Variants in ME3 observed in about 807,000 individuals in gnomAD.
ME3 encodes malic enzyme 3, also known as NADP-dependent malic enzyme, mitochondrial.
In ME3, 48 loss-of-function variants were observed where a neutral mutation model predicts 68.9. The observed-to-expected ratio is 0.70, with a 90% CI of 0.55 to 0.89. The LOEUF is 0.89. Among genes scored for constraint, ME3 ranks in the 40% least tolerant of loss-of-function variants. ME3 has a pLI of 0.00. For missense variants in ME3, 675 were observed against 797.4 expected, an observed-to-expected ratio of 0.85 and a Z score of 1.85; for synonymous variants, 320 against 318.8, an observed-to-expected ratio of 1.00 and a Z score of -0.04.
exon 11 of ME3, chr11:86,448,218 G>A (rs780609044): frequency 1.2e-5 from 19 of 1,614,032 alleles, no homozygotes; most frequent in Non-Finnish European, 1.5e-5. Context: ...ATGGTCTTGG[G>A]CAAACATCTC....
intron 2 of ME3, among the ~76,000 whole-genome samples, chr11:86,598,782 T>A (rs1466481318): frequency 1.3e-5 from 2 of 152,128 alleles, no homozygotes; most frequent in African/African-American, 2.4e-5. Flanking sequence ...ACAGCAGCAT[T>A]CGCGGATCAC....
intron 4 of ME3, among the ~76,000 whole-genome samples, chr11:86,521,425 A>AAAATAATAATAATAAT (rs754170121): frequency 0.031 from 3,580 of 117,206 alleles, 63 homozygotes; most frequent in East Asian, 0.097. Flanking sequence ...AAACAAAACA[A>AAAATAATAATAATAAT]AACAAAAATA....
intron 4 of ME3, among the ~76,000 whole-genome samples, chr11:86,541,234 A>C (rs988322965): frequency 1.3e-5 from 2 of 151,992 alleles, no homozygotes; most frequent in Non-Finnish European, 2.9e-5. Flanking sequence ...ACACCAAGCT[A>C]GCTGCAGGTG....
At chr11:86,610,657 C>T (rs1217559036) in intron 2 of ME3, among the ~76,000 whole-genome samples, 8 of 114,374 alleles carry the variant, frequency 7.0e-5, no homozygotes, top group Admixed American at 2.5e-4. Flanking sequence ...CTCTTTTGGG[C>T]TGTGGGGTTG....
intron 7 of ME3, among the ~76,000 whole-genome samples, chr11:86,472,410 G>T (rs907813548): frequency 6.6e-6 from 1 of 152,186 alleles, no homozygotes; most frequent in African/African-American, 2.4e-5. Flanking sequence ...TGGACAGCTG[G>T]GAGGACAGAC....
At chr11:86,581,297 C>T (rs190276607) in intron 2 of ME3, among the ~76,000 whole-genome samples, 29 of 152,060 alleles carry the variant, frequency 1.9e-4, no homozygotes, top group South Asian at 1.0e-3. Flanking sequence ...GTACTTTTAA[C>T]GATAGGTTGT....
chr11:86,620,101 C>T (rs1318380631), intron 2 of ME3, among the ~76,000 whole-genome samples: 1 of 152,110 alleles, frequency 6.6e-6, no homozygotes, highest in Non-Finnish European at 1.5e-5. Flanking sequence ...AACACAAATC[C>T]TATTTTCCCT....
At chr11:86,666,150 G>A (rs533633248) in intron 2 of ME3, among the ~76,000 whole-genome samples, 4 of 152,294 alleles carry the variant, frequency 2.6e-5, no homozygotes, top group Non-Finnish European at 5.9e-5. Context: ...CCCAGCCAAA[G>A]ATTACATTTT....
At chr11:86,635,655 G>T (rs886256137) in intron 2 of ME3, among the ~76,000 whole-genome samples, 6 of 152,206 alleles carry the variant, frequency 3.9e-5, no homozygotes, top group Non-Finnish European at 8.8e-5. Flanking sequence ...TTTATTTCCT[G>T]TCTCTGTCTT....
chr11:86,469,703 G>T (rs1482734020), intron 7 of ME3, among the ~76,000 whole-genome samples: 3 of 152,194 alleles, frequency 2.0e-5, no homozygotes, highest in Non-Finnish European at 4.4e-5. Flanking sequence ...TGGAGAAAGA[G>T]GCACCTTCCC....
At chr11:86,650,938 G>T (rs900332264) in intron 2 of ME3, among the ~76,000 whole-genome samples, 1 of 152,244 alleles carries the variant, frequency 6.6e-6, no homozygotes, top group East Asian at 1.9e-4. Flanking sequence ...CGGCACACCA[G>T]GAGATTGTAT....
At chr11:86,661,475 ATAT>A (rs1226117602) in intron 2 of ME3, among the ~76,000 whole-genome samples, 5 of 152,350 alleles carry the variant, frequency 3.3e-5, no homozygotes, top group Admixed American at 3.3e-4. Context: ...AAATGTCATG[ATAT>A]TATTTAGCTT....
chr11:86,567,243 A>AAAGAAAGGAAGAAAGGAAGGAAGGAAGG (rs869098620), intron 2 of ME3, among the ~76,000 whole-genome samples: 1 of 144,582 alleles, frequency 6.9e-6, no homozygotes, highest in Non-Finnish European at 1.5e-5. Flanking sequence ...GAAAAGAAAG[A>AAAGAAAGGAAGAAAGGAAGGAAGGAAGG]AAGGAAGGAA....
chr11:86,601,122 T>A, intron 2 of ME3, among the ~76,000 whole-genome samples: 1 of 150,684 alleles, frequency 6.6e-6, no homozygotes, highest in African/African-American at 2.4e-5. Context: ...CTGAAGGAAA[T>A]AGAGACACAA....
At chr11:86,635,992 C>G (rs1944309162) in intron 2 of ME3, among the ~76,000 whole-genome samples, 1 of 152,262 alleles carries the variant, frequency 6.6e-6, no homozygotes, top group African/African-American at 2.4e-5. Context: ...TAACCTAGTC[C>G]CCGTATCCTG....
chr11:86,610,767 G>A (rs750708556), intron 2 of ME3, among the ~76,000 whole-genome samples: 1 of 152,198 alleles, frequency 6.6e-6, no homozygotes, highest in Non-Finnish European at 1.5e-5. Context: ...AACTGACAGA[G>A]TATTTGCTTT....
intron 4 of ME3, among the ~76,000 whole-genome samples, chr11:86,525,653 A>G (rs1283978497): frequency 6.6e-6 from 1 of 152,182 alleles, no homozygotes; most frequent in African/African-American, 2.4e-5. Flanking sequence ...ACCTGAGGTC[A>G]GGAGTTCAAG....
At chr11:86,528,418 C>G (rs1195585791) in intron 4 of ME3, among the ~76,000 whole-genome samples, 1 of 152,140 alleles carries the variant, frequency 6.6e-6, no homozygotes, top group Non-Finnish European at 1.5e-5. Flanking sequence ...GAGAGTTTAG[C>G]ATCCCACTGT....
At chr11:86,456,178 A>G (rs1455974850) in intron 8 of ME3, among the ~76,000 whole-genome samples, 1 of 152,166 alleles carries the variant, frequency 6.6e-6, no homozygotes, top group Non-Finnish European at 1.5e-5. Flanking sequence ...GTGAGGTACT[A>G]GTTTCCTGCC....
Sources: gnomAD v4.1 joint callset for allele counts (sites outside exome capture counted in the v4.1 genomes callset) on GRCh38, gnomAD v4.1.1 for gene constraint, MANE v1.5 for transcripts, NCBI Gene and HGNC (gene_info 2026-07-23, HGNC 2026-07-21) for gene names.